ATXN2L: variants seen among roughly 807,000 people sequenced by gnomAD.
The protein encoded by ATXN2L is ataxin 2 like.
ATXN2L carries 24 observed loss-of-function variants against 120.7 expected under a neutral mutation model. The observed-to-expected ratio is 0.20, with a 90% CI of 0.14 to 0.28. The LOEUF (loss-of-function observed/expected upper bound fraction) is 0.28. Among genes scored for constraint, ATXN2L ranks in the 10% least tolerant of loss-of-function variants. The pLI is 1.00. For synonymous variants in ATXN2L, 653 were observed against 568.1 expected (o/e 1.15, Z -2.13); for missense variants, 1,312 against 1,432.3 (o/e 0.92, Z 1.36).
intron 10 of ATXN2L, 25 bp from the exon 11 acceptor site, chr16:28,832,180 C>A (rs777878869): frequency 6.2e-7 from 1 of 1,613,522 alleles, no homozygotes; most frequent in South Asian, 1.1e-5. Flanking sequence ...CAGTAACCAT[C>A]CTACAGCTCC....
rs759088727 is a variant in ATXN2L at position 28,834,052 on chromosome 16, CTTG to C, written c.2026-10_2026-8del. ...AAAATACAAAATAAAATTGTCCTCCCTTGTTTTTGCAGAATAAATCCACCAGTA... is the reference window on the plus strand; with the variant it reads ...AAAATACAAAATAAAATTGTCCTCCCTTTTTGCAGAATAAATCCACCAGTA... On this transcript the variant is annotated splice_polypyrimidine_tract_variant and intron_variant, in intron 15 of 21. Transcript: ENST00000336783. The C allele has an allele frequency of 1.9e-6, 3 of 1,610,406 alleles. No homozygotes were observed. The Admixed American group carries it at 5.1e-5, about 27-fold the overall frequency.
At chr16:28,824,108 G>T in intron 1 of ATXN2L, 1 of 1,016,966 alleles carries the variant, frequency 9.8e-7, no homozygotes, top group Non-Finnish European at 1.2e-6. Flanking sequence ...TGACTGGGAG[G>T]ACTGCGGGCC....
chr16:28,836,305 G>A lies in ATXN2L; in HGVS notation c.*40G>A, dbSNP rs780660729. ...AGGGCTGTCCCACAGGGCGCCCGCC[G>A]ACCTGCACCTGTCTGTGAAGTATGT... On this transcript the variant is annotated 3_prime_UTR_variant, in exon 22 of 22. Coordinates refer to ENST00000336783, the MANE Select transcript of ATXN2L (RefSeq NM_007245.4). 27 of 1,610,734 alleles carry A rather than the reference G, an allele frequency of 1.7e-5. No individual in the cohort carries two copies. In the Admixed American group the frequency reaches 3.2e-4, roughly 19 times the overall value.
chr16:28,829,349 C>T (rs1263845421), intron 6 of ATXN2L, 52 bp from the exon 7 acceptor site: 22 of 1,267,000 alleles, frequency 1.7e-5, no homozygotes, highest in Non-Finnish European at 2.0e-5. Flanking sequence ...AGGGAAGTGA[C>T]TTGTCGTTGC....
Position 28,830,936 on chromosome 16 carries a change from C to T in ATXN2L, c.1211-26C>T, listed in dbSNP as rs11859687. 135 of 1,271,000 alleles carry T rather than the reference C, an allele frequency of 1.1e-4. No individual in the cohort carries two copies. In the African/African-American group the frequency reaches 2.2e-3, roughly 21 times the overall value. The allele number at this position is 1,271,000 out of a possible 1,614,324, so 78.7% of individuals were successfully genotyped here. ...CGTCTGCCTCCTGACATTTTCTTCT[C>T]AAAAAAAAAAAAAAAAACCAAACAG... On this transcript the variant is annotated intron_variant, in intron 9 of 21. Coordinates refer to ENST00000336783, the MANE Select transcript of ATXN2L (RefSeq NM_007245.4).
intron 6 of ATXN2L, among the ~76,000 whole-genome samples, chr16:28,828,967 C>G (rs529124406): frequency 6.6e-6 from 1 of 152,206 alleles, no homozygotes; most frequent in African/African-American, 2.4e-5. Context: ...GATCTCCTGA[C>G]CTCAGGTGAT....
At chr16:28,824,694 G>A (rs2051141360) in intron 1 of ATXN2L, 1 of 783,844 alleles carries the variant, frequency 1.3e-6, no homozygotes, top group Non-Finnish European at 1.7e-6. Context: ...TTCCAAAGCT[G>A]CACTCCTGGA....
chr16:28,826,892 A>G lies in ATXN2L; in HGVS notation c.647A>G (p.Asn216Ser). 2.5e-6 allele frequency: 4 copies of G among 1,596,324 alleles called. No homozygotes were observed. The highest frequency in any genetic ancestry group is 3.4e-6 in the Non-Finnish European group (4 of 1,168,636). The change falls in exon 6 of 22, where the codon AAC (asparagine) becomes AGC (serine). Residue 216 changes from asparagine (N) to serine (S), a missense_variant. Coordinates refer to ENST00000336783, the MANE Select transcript of ATXN2L (RefSeq NM_007245.4). ...TTCACCGATTCAGCCATTGCCATGA[A>G]CTCGAAAGTGAATGGGGAACACAAA... ...DKFTDSAIAM[N>S]SKVNGEHKEK...
At chr16:28,831,134 G>A in intron 10 of ATXN2L, 62 bp downstream of exon 10, 1 of 1,162,638 alleles carries the variant, frequency 8.6e-7, no homozygotes, top group Non-Finnish European at 1.2e-6. Context: ...ATGTAAATAT[G>A]TCCATTTGTT....
chr16:28,832,427 A>G, intron 11 of ATXN2L, 28 bp downstream of exon 11: 1 of 1,612,202 alleles, frequency 6.2e-7, no homozygotes, highest in Non-Finnish European at 8.5e-7. Context: ...GAGTGCTGTG[A>G]ATGCATATTT....
At chr16:28,832,915 G>A in intron 13 of ATXN2L, 28 bp downstream of exon 13, 1 of 1,612,758 alleles carries the variant, frequency 6.2e-7, no homozygotes, top group Non-Finnish European at 8.5e-7. Flanking sequence ...TGGGATATTA[G>A]CAGGGTAAAG....
chr16:28,836,486 G>A lies in ATXN2L; in HGVS notation c.*221G>A. The A allele has an allele frequency of 6.2e-7, 1 of 1,609,502 alleles. No individual in the cohort carries two copies. Among genetic ancestry groups the A allele is most frequent in the Non-Finnish European group, 8.5e-7 (1 of 1,177,942 alleles). On this transcript the variant is annotated 3_prime_UTR_variant, in exon 22 of 22. Coordinates refer to ENST00000336783, the MANE Select transcript of ATXN2L (RefSeq NM_007245.4). ...CCGACTGTCTCCTGACTTAGCCGAG[G>A]TAAGGTCAGTGCAGCAGACAGGGCC...
At position 28,823,219 on chromosome 16, in the gene ATXN2L, TC is replaced by T; in HGVS notation, c.-38del. 1 of 1,212,454 alleles carries T rather than the reference TC, an allele frequency of 8.2e-7. No homozygotes were observed. The highest frequency in any genetic ancestry group is 1.1e-6 in the Non-Finnish European group (1 of 940,662). 75.1% of individuals were successfully genotyped at this position (1,212,454 alleles called of 1,614,324 possible). On this transcript the variant is annotated 5_prime_UTR_variant, in exon 1 of 22. Coordinates refer to ENST00000336783, the MANE Select transcript of ATXN2L (RefSeq NM_007245.4). The stretch of plus-strand genomic sequence containing the variant: ...GGGGCCCCAGCCCCGGCCCCCTCTC[TC>T]CCTCCCTTCTCTCTAATTCCCCTTC...
At chr16:28,827,681 C>T (rs559838374) in intron 6 of ATXN2L, among the ~76,000 whole-genome samples, 135 of 152,284 alleles carry the variant, frequency 8.9e-4, no homozygotes, top group Non-Finnish European at 1.8e-3. Context: ...TTTGAGGCTG[C>T]TGTAAGCTGA....
chr16:28,834,480 G>C, intron 17 of ATXN2L, 26 bp from the exon 18 acceptor site: 1 of 1,613,052 alleles, frequency 6.2e-7, no homozygotes, highest in Non-Finnish European at 8.5e-7. Context: ...TGGAGCTTGA[G>C]CTCTCCTCTC....
chr16:28,830,583 G>A, intron 8 of ATXN2L, 32 bp from the exon 9 acceptor site: 1 of 1,523,368 alleles, frequency 6.6e-7, no homozygotes, highest in South Asian at 1.3e-5. Flanking sequence ...GGGTTTTGTG[G>A]CTACCTGGCC....
chr16:28,836,384 C>T lies in ATXN2L; in HGVS notation c.*119C>T. The T allele has an allele frequency of 6.2e-7, 1 of 1,613,518 alleles. No homozygotes were observed. The highest frequency in any genetic ancestry group is 2.2e-5 in the East Asian group (1 of 44,838). On this transcript the variant is annotated 3_prime_UTR_variant, in exon 22 of 22. Transcript: ENST00000336783. ...GCCAGGGGCTTGCTCCTGGCTCTGT[C>T]CTTTGCTTCCCTCCGTCCTCGCTCA...
chr16:28,823,712 G>A (rs1049670775), intron 1 of ATXN2L, 154 bp downstream of exon 1: 3 of 805,776 alleles, frequency 3.7e-6, no homozygotes, highest in African/African-American at 1.8e-5. Context: ...GGTCCGAACA[G>A]GTCGGACGGA....
intron 5 of ATXN2L, 199 bp from the exon 6 acceptor site, chr16:28,826,663 G>A: frequency 6.0e-6 from 4 of 668,476 alleles, no homozygotes; most frequent in Non-Finnish European, 9.4e-6. Flanking sequence ...TTTTTCTTTG[G>A]AATCATAGTA....
Sources: allele counts gnomAD v4.1 joint callset (sites outside exome capture counted in the v4.1 genomes callset), GRCh38; gene constraint gnomAD v4.1.1; transcripts MANE v1.5; gene names NCBI Gene and HGNC (gene_info 2026-07-23, HGNC 2026-07-21).